ZNRF2: variants seen among roughly 807,000 people sequenced by gnomAD.
The protein encoded by ZNRF2 is zinc and ring finger 2, also known as E3 ubiquitin-protein ligase ZNRF2.
Under a neutral mutation model 20.4 loss-of-function variants are expected in ZNRF2, and 16 were observed. That is an observed-to-expected ratio of 0.79 (90% confidence interval 0.53 to 1.19). The LOEUF is 1.19. Ranked by LOEUF, ZNRF2 falls within the 50% of genes most tolerant of loss-of-function variation. The pLI is 0.00. For synonymous variants in ZNRF2, 178 were observed against 144.9 expected, an observed-to-expected ratio of 1.23 and a Z score of -1.64; for missense variants, 363 against 332.4, an observed-to-expected ratio of 1.09 and a Z score of -0.72.
chr7:30,313,950 ATAT>A (rs1196830566), intron 1 of ZNRF2, among the ~76,000 whole-genome samples: 1 of 152,164 alleles, frequency 6.6e-6, no homozygotes, highest in African/African-American at 2.4e-5. Flanking sequence ...ATACTCTCTC[ATAT>A]TATAAATTAA....
intron 2 of ZNRF2, among the ~76,000 whole-genome samples, chr7:30,342,526 C>G (rs976581430): frequency 1.3e-5 from 2 of 152,118 alleles, no homozygotes; most frequent in Non-Finnish European, 2.9e-5. Context: ...GGTTGAAATT[C>G]TTTAAGAATG....
chr7:30,324,722 A>G (rs551538010), intron 2 of ZNRF2, among the ~76,000 whole-genome samples: 3 of 152,332 alleles, frequency 2.0e-5, no homozygotes, highest in South Asian at 2.1e-4. Context: ...TTGAAATAAA[A>G]TCTTTTGGGT....
intron 2 of ZNRF2, among the ~76,000 whole-genome samples, chr7:30,353,730 T>G (rs1019185453): frequency 2.3e-4 from 35 of 152,102 alleles, no homozygotes; most frequent in African/African-American, 8.2e-4. Flanking sequence ...GCATCATAGT[T>G]TGGTGGAAGC....
At chr7:30,305,085 C>T (rs1256300097) in intron 1 of ZNRF2, among the ~76,000 whole-genome samples, 5 of 152,164 alleles carry the variant, frequency 3.3e-5, no homozygotes, top group Non-Finnish European at 5.9e-5. Flanking sequence ...GGTGGAAATT[C>T]TGTCAGTGTG....
At chr7:30,359,350 A>G (rs370712136) in intron 3 of ZNRF2, among the ~76,000 whole-genome samples, 15 of 152,322 alleles carry the variant, frequency 9.8e-5, no homozygotes, top group African/African-American at 3.1e-4. Flanking sequence ...TAGACTTTAT[A>G]CTAGGATTGT....
chr7:30,313,294 C>T (rs943452225), intron 1 of ZNRF2, among the ~76,000 whole-genome samples: 1 of 152,076 alleles, frequency 6.6e-6, no homozygotes, highest in East Asian at 1.9e-4. Flanking sequence ...TATTCTGAAA[C>T]CCATAGTTGT....
At chr7:30,357,568 A>C (rs1033676278) in intron 3 of ZNRF2, among the ~76,000 whole-genome samples, 2 of 152,204 alleles carry the variant, frequency 1.3e-5, no homozygotes, top group Non-Finnish European at 2.9e-5. Context: ...ATAAACACAA[A>C]GAAAATAGAA....
intron 1 of ZNRF2, among the ~76,000 whole-genome samples, chr7:30,293,248 A>ATT (rs71557451): frequency 6.7e-5 from 9 of 133,732 alleles, no homozygotes; most frequent in East Asian, 2.1e-4. Flanking sequence ...AAATTTTTAC[A>ATT]TTTTTTTTTT....
In ZNRF2 at chr7:30,319,068, C is replaced by T. The variant is rs137867972; in HGVS notation, c.470-4574C>T. Among the ~76,000 whole-genome samples, 1,014 of 151,504 alleles carry T rather than the reference C, an allele frequency of 6.7e-3. 16 individuals carry two copies. Among genetic ancestry groups the T allele is most frequent in the African/African-American group, 0.023 (963 of 41,208 alleles). On this transcript the variant is annotated intron_variant, in intron 1 of 4. Coordinates refer to ENST00000323037, the MANE Select transcript of ZNRF2 (RefSeq NM_147128.4). ...TGGAGGTTGCAGTGAGCCAAGATTG[C>T]GCCACTTCACTCCAGCCTGGGTGAA...
chr7:30,363,087 C>T (rs772091208), intron 4 of ZNRF2, among the ~76,000 whole-genome samples: 1 of 152,060 alleles, frequency 6.6e-6, no homozygotes, highest in Non-Finnish European at 1.5e-5. Context: ...TGCCACTGCA[C>T]TCTAGCCTGG....
chr7:30,344,414 G>A (rs1401184258), intron 2 of ZNRF2, among the ~76,000 whole-genome samples: 1 of 151,720 alleles, frequency 6.6e-6, no homozygotes, highest in Non-Finnish European at 1.5e-5. Context: ...TGAAATTAGT[G>A]TATTTCCTAT....
At chr7:30,291,346 C>G (rs13311047) in intron 1 of ZNRF2, among the ~76,000 whole-genome samples, 2 of 152,190 alleles carry the variant, frequency 1.3e-5, no homozygotes, top group African/African-American at 4.8e-5. Context: ...ACAATTAACA[C>G]TCGTAGTTTA....
At chr7:30,295,014 GGAGAGAGAGAGAGAGA>G (rs1161510140) in intron 1 of ZNRF2, among the ~76,000 whole-genome samples, 5 of 25,208 alleles carry the variant, frequency 2.0e-4, no homozygotes, top group Non-Finnish European at 4.4e-4. Flanking sequence ...AGGGAGGGAA[GGAGAGAGAGAGAGAGA>G]GAGAGAGAGA....
intron 4 of ZNRF2, among the ~76,000 whole-genome samples, chr7:30,362,729 A>G (rs1800147888): frequency 6.6e-6 from 1 of 152,204 alleles, no homozygotes; most frequent in African/African-American, 2.4e-5. Flanking sequence ...AGCCTGGCCA[A>G]CATGGTGAAA....
chr7:30,348,528 C>T (rs1037939377), intron 2 of ZNRF2, among the ~76,000 whole-genome samples: 1 of 152,180 alleles, frequency 6.6e-6, no homozygotes, highest in Non-Finnish European at 1.5e-5. Context: ...TTTGCTTACA[C>T]AGCATCAGAA....
At chr7:30,346,441 G>T (rs944537889) in intron 2 of ZNRF2, among the ~76,000 whole-genome samples, 1 of 151,796 alleles carries the variant, frequency 6.6e-6, no homozygotes, top group Non-Finnish European at 1.5e-5. Flanking sequence ...CGCCTGCCTC[G>T]GTCTCCCAAA....
chr7:30,329,160 A>G (rs1475413876), intron 2 of ZNRF2, among the ~76,000 whole-genome samples: 2 of 152,180 alleles, frequency 1.3e-5, no homozygotes, highest in African/African-American at 4.8e-5. Flanking sequence ...AAATTTTATT[A>G]TGTGTACATA....
At chr7:30,295,157 C>G (rs1323712854) in intron 1 of ZNRF2, among the ~76,000 whole-genome samples, 1 of 145,228 alleles carries the variant, frequency 6.9e-6, no homozygotes, top group Admixed American at 7.0e-5. Flanking sequence ...AAGCTGGGGC[C>G]TTGAGACTCT....
chr7:30,325,786 A>G (rs1193111883), intron 2 of ZNRF2, among the ~76,000 whole-genome samples: 5 of 152,192 alleles, frequency 3.3e-5, no homozygotes, highest in African/African-American at 1.2e-4. Flanking sequence ...GTATTTGTTG[A>G]TTATATCCTA....
Sources: allele counts gnomAD v4.1 joint callset (sites outside exome capture counted in the v4.1 genomes callset), GRCh38; gene constraint gnomAD v4.1.1; transcripts MANE v1.5; gene names NCBI Gene and HGNC (gene_info 2026-07-23, HGNC 2026-07-21).